Variants in SFMBT2 observed in about 807,000 individuals in gnomAD.
The protein encoded by SFMBT2 is Scm like with four mbt domains 2.
SFMBT2 carries 38 observed loss-of-function variants against 110.1 expected under a neutral mutation model. That is an observed-to-expected ratio of 0.35 (90% CI 0.27 to 0.45). The LOEUF (loss-of-function observed/expected upper bound fraction) is 0.45. Ranked by LOEUF, SFMBT2 falls within the 20% of genes least tolerant of loss-of-function variation. The pLI is 1.00. For missense variants in SFMBT2, 1,011 were observed against 1,094.9 expected, an observed-to-expected ratio of 0.92 and a Z score of 1.08; for synonymous variants, 425 against 425.4, an observed-to-expected ratio of 1.00 and a Z score of 0.01.
intron 6 of SFMBT2, among the ~76,000 whole-genome samples, chr10:7,282,773 T>G (rs1486080511): frequency 1.3e-5 from 2 of 152,200 alleles, no homozygotes; most frequent in African/African-American, 2.4e-5. Flanking sequence ...TACTCAACAC[T>G]AACATCGGCA....
At chr10:7,282,105 G>A (rs1588415178) in intron 6 of SFMBT2, among the ~76,000 whole-genome samples, 1 of 152,190 alleles carries the variant, frequency 6.6e-6, no homozygotes, top group East Asian at 1.9e-4. Context: ...TGCCCTGCCT[G>A]TTCCAGAATC....
chr10:7,370,677 G>C (rs1053027686), intron 2 of SFMBT2: 1 of 202,752 alleles, frequency 4.9e-6, no homozygotes, highest in Non-Finnish European at 8.8e-6. Context: ...TCGTGTAATA[G>C]TTTGAAATTA....
chr10:7,243,853 C>T (rs1282918716), intron 8 of SFMBT2, 148 bp from the exon 9 acceptor site: 6 of 629,222 alleles, frequency 9.5e-6, no homozygotes, highest in African/African-American at 7.3e-5. Flanking sequence ...ATGTCCATTA[C>T]TAAATTAATT....
chr10:7,339,868 G>A (rs1466131262), intron 4 of SFMBT2, among the ~76,000 whole-genome samples: 5 of 152,196 alleles, frequency 3.3e-5, no homozygotes, highest in African/African-American at 4.8e-5. Context: ...GCCTAGACCG[G>A]TGGCCAGAGT....
chr10:7,319,477 C>T (rs1046269585), intron 4 of SFMBT2, among the ~76,000 whole-genome samples: 2 of 152,340 alleles, frequency 1.3e-5, no homozygotes, highest in African/African-American at 4.8e-5. Flanking sequence ...GGAAAACAAA[C>T]GTCCTTCACG....
At chr10:7,202,658 G>A (rs1300251896) in intron 12 of SFMBT2, 136 bp from the exon 13 acceptor site, 2 of 1,532,450 alleles carry the variant, frequency 1.3e-6, no homozygotes, top group African/African-American at 1.4e-5. Flanking sequence ...CGTCATTCAT[G>A]CCACAATTTC....
At chr10:7,402,413 A>G (rs1055986124) in intron 1 of SFMBT2, among the ~76,000 whole-genome samples, 1 of 152,188 alleles carries the variant, frequency 6.6e-6, no homozygotes, top group Admixed American at 6.5e-5. Flanking sequence ...TGAAGATGAA[A>G]GGGATTAGCC....
intron 7 of SFMBT2, among the ~76,000 whole-genome samples, 154 bp downstream of exon 7, chr10:7,276,738 G>C (rs1184638272): frequency 6.6e-6 from 1 of 152,128 alleles, no homozygotes; most frequent in East Asian, 1.9e-4. Context: ...ATGTTAGCCA[G>C]GATGGTCTCG....
intron 7 of SFMBT2, 117 bp downstream of exon 7, chr10:7,276,775 C>G: frequency 2.9e-6 from 2 of 687,924 alleles, no homozygotes; most frequent in Non-Finnish European, 5.3e-6. Context: ...ATCCGCCCAC[C>G]TCAGCCTCTC....
At position 7,253,825 on chromosome 10, in the gene SFMBT2, CA is replaced by C. The variant is rs3065776; in HGVS notation, c.871-5177del. Among the ~76,000 whole-genome samples the C allele has an allele frequency of 3.6e-3, 479 of 134,040 alleles. 2 individuals are homozygous for C. Among genetic ancestry groups the C allele is most frequent in the Middle Eastern group, 0.035 (9 of 260 alleles). 87.9% of individuals were successfully genotyped at this position (134,040 alleles called of 152,430 possible). On this transcript the variant is annotated intron_variant, in intron 7 of 20. Transcript: ENST00000397167. ...TGAAAATCACTTTCTAATCAACAAC[CA>C]AAAAAAAAAAAAAAAAATCCCTCTA...
At chr10:7,323,456 AAAAAAAAAAAAACC>A (rs1450249884) in intron 4 of SFMBT2, among the ~76,000 whole-genome samples, 1 of 122,468 alleles carries the variant, frequency 8.2e-6, no homozygotes, top group Non-Finnish European at 1.6e-5. Flanking sequence ...ATCTCAAAAA[AAAAAAAAAAAAACC>A]AAAAAAAAAA....
intron 20 of SFMBT2, among the ~76,000 whole-genome samples, chr10:7,169,534 C>T (rs1041304071): frequency 6.6e-6 from 1 of 152,198 alleles, no homozygotes; most frequent in Non-Finnish European, 1.5e-5. Flanking sequence ...TCTTTCTAGA[C>T]TACTGATTTA....
chr10:7,337,263 C>T (rs777164923), intron 4 of SFMBT2, among the ~76,000 whole-genome samples: 3 of 152,152 alleles, frequency 2.0e-5, no homozygotes, highest in Non-Finnish European at 2.9e-5. Flanking sequence ...AGATAGAAAA[C>T]GTAGGCTGCT....
chr10:7,393,036 A>AAT (rs1554814423), intron 1 of SFMBT2, among the ~76,000 whole-genome samples: 5 of 18,450 alleles, frequency 2.7e-4, no homozygotes, highest in African/African-American at 1.2e-3. Context: ...TATATATATA[A>AAT]TTTTTTTTTT....
intron 6 of SFMBT2, 128 bp from the exon 7 acceptor site, chr10:7,277,117 C>CCATACCCGCCATGAGCAGCCA: frequency 1.7e-6 from 1 of 605,500 alleles, no homozygotes; most frequent in Non-Finnish European, 2.9e-6. Flanking sequence ...GTGTTCACAC[C>CCATACCCGCCATGAGCAGCCA]CCATACCCAC....
chr10:7,346,335 GCATTCATCTTAAA>G (rs1363828187), intron 4 of SFMBT2, among the ~76,000 whole-genome samples: 2 of 152,130 alleles, frequency 1.3e-5, no homozygotes, highest in Non-Finnish European at 2.9e-5. Context: ...GTGATTGCTT[GCATTCATCTTAAA>G]CAGTAAAAAC....
chr10:7,411,166 T>G (rs537155459), upstream of SFMBT2, among the ~76,000 whole-genome samples: 8 of 149,320 alleles, frequency 5.4e-5, no homozygotes, highest in African/African-American at 2.0e-4. Context: ...TTCCAGCGCT[T>G]GCAAAATTTC....
chr10:7,230,707 G>A (rs1229043357), intron 9 of SFMBT2, among the ~76,000 whole-genome samples: 2 of 152,176 alleles, frequency 1.3e-5, no homozygotes, highest in Non-Finnish European at 2.9e-5. Context: ...CTGAGGCAGA[G>A]GCAGATCATG....
At chr10:7,256,059 TG>T (rs1256350062) in intron 7 of SFMBT2, among the ~76,000 whole-genome samples, 3 of 152,180 alleles carry the variant, frequency 2.0e-5, no homozygotes, top group Non-Finnish European at 2.9e-5. Context: ...CTGGCAGGCA[TG>T]CTCCCTGCAT....
Sources: gnomAD v4.1 joint callset for allele counts (sites outside exome capture counted in the v4.1 genomes callset) on GRCh38, gnomAD v4.1.1 for gene constraint, MANE v1.5 for transcripts, NCBI Gene and HGNC (gene_info 2026-07-23, HGNC 2026-07-21) for gene names.